The following AGAP5 variants were observed in gnomAD, a reference collection of about 807,000 sequenced individuals.
AGAP5 encodes ArfGAP with GTPase domain, ankyrin repeat and PH domain 5.
In AGAP5, 8 loss-of-function variants were observed where a neutral mutation model predicts 27.7. The ratio of observed to expected loss-of-function variants is 0.29; its 90% CI spans 0.17 to 0.52. The LOEUF (loss-of-function observed/expected upper bound fraction) is 0.52, where lower values mean the gene tolerates loss of function less well. AGAP5 is among the 20% of genes least tolerant of loss of function. The probability of loss-of-function intolerance (pLI) is 0.97; values close to 1 mark genes in which losing one functional copy is unlikely to be tolerated. For synonymous variants in AGAP5, 111 were observed against 338.0 expected (o/e 0.33, Z 7.37); for missense variants, 285 against 880.8 (o/e 0.32, Z 8.56).
In AGAP5 at chr10:73,685,871, C is replaced by CT. The variant is rs761740724; in HGVS notation, c.397-3078_397-3077insA. Among the ~76,000 whole-genome samples the CT allele has an allele frequency of 2.7e-3, 415 of 152,064 alleles. 1 individual carries two copies. Among genetic ancestry groups the CT allele is most frequent in the Non-Finnish European group, 3.5e-3 (236 of 67,986 alleles). On this transcript the variant is annotated intron_variant, in intron 4 of 7. Coordinates refer to ENST00000374094, the MANE Select transcript of AGAP5 (RefSeq NM_001144000.4). ...TGGCCAGATTATCTTTTTGATATGC[C>CT]GTTGGGAACTACAAAACATTGCTGA...
chr10:73,696,944 A>G, intron 2 of AGAP5, 151 bp downstream of exon 2: 1 of 1,249,798 alleles, frequency 8.0e-7, no homozygotes, highest in Admixed American at 2.5e-5. Context: ...TCACTTAGGT[A>G]CCATCTGGAT....
intron 4 of AGAP5, among the ~76,000 whole-genome samples, chr10:73,689,301 C>A (rs11000744): frequency 1.8e-4 from 27 of 152,208 alleles, no homozygotes; most frequent in Non-Finnish European, 2.6e-4. Flanking sequence ...CAATGGTGCC[C>A]AGGCTGGAGT....
intron 2 of AGAP5, among the ~76,000 whole-genome samples, chr10:73,695,396 C>T (rs1279033694): frequency 6.6e-6 from 1 of 152,080 alleles, no homozygotes; most frequent in Non-Finnish European, 1.5e-5. Flanking sequence ...TTGGAAAGGG[C>T]CAAGTGAGAC....
chr10:73,687,732 TA>T (rs1280993220), intron 4 of AGAP5, among the ~76,000 whole-genome samples: 1 of 152,210 alleles, frequency 6.6e-6, no homozygotes, highest in Non-Finnish European at 1.5e-5. Context: ...TTGGATTAAA[TA>T]TAATAGATTG....
chr10:73,693,010 A>AT lies in AGAP5; in HGVS notation c.362-934dup, dbSNP rs1388830181. On this transcript the variant is annotated intron_variant, in intron 3 of 7. Transcript: ENST00000374094. Reference sequence around the variant, plus strand: ...CATGGTGTCTGCAGCACAAAAAATCATTTTTTTTCCCTAAAAAGAGGCCAG... The same window carrying AT: ...CATGGTGTCTGCAGCACAAAAAATCATTTTTTTTTCCCTAAAAAGAGGCCAG... 3.7e-3 allele frequency among the ~76,000 whole-genome samples: 563 copies of AT among 151,854 alleles called. 3 individuals are homozygous for AT. The highest frequency in any genetic ancestry group is 0.013 in the African/African-American group (533 of 41,390).
chr10:73,694,877 T>C, intron 2 of AGAP5, 73 bp from the exon 3 acceptor site: 1 of 1,596,834 alleles, frequency 6.3e-7, no homozygotes, highest in East Asian at 2.2e-5. Flanking sequence ...TTTATTCAAC[T>C]GCTGCATTTA....
At chr10:73,695,233 GTAAATTCATCA>G in intron 2 of AGAP5, among the ~76,000 whole-genome samples, 1 of 152,240 alleles carries the variant, frequency 6.6e-6, no homozygotes, top group African/African-American at 2.4e-5. Flanking sequence ...TTTTTAAAAA[GTAAATTCATCA>G]TATCTGTCAC....
rs1169985052 is a variant in AGAP5 at position 73,679,137 on chromosome 10, AC to A, written c.533+933del. Reference sequence around the variant, plus strand: ...CAAAATGCTGGGATTACAGGTGTGAACCACTGCGCCCCACCAGCTTATTGCT... The same window carrying A: ...CAAAATGCTGGGATTACAGGTGTGAACACTGCGCCCCACCAGCTTATTGCT... On this transcript the variant is annotated intron_variant, in intron 6 of 7. Coordinates refer to ENST00000374094, the MANE Select transcript of AGAP5 (RefSeq NM_001144000.4). Among the ~76,000 whole-genome samples, 9 of 134,966 alleles carry A rather than the reference AC, an allele frequency of 6.7e-5. No individual in the cohort carries two copies. The East Asian group carries it at 1.5e-3, about 22-fold the overall frequency. The allele number at this position is 134,966 out of a possible 152,430, so 88.5% of individuals were successfully genotyped here.
rs2082164392 is a variant in AGAP5 at position 73,696,651 on chromosome 10, C to G, written c.292+444G>C. 2.0e-5 allele frequency among the ~76,000 whole-genome samples: 3 copies of G among 152,328 alleles called. 1 individual carries two copies. In the South Asian group the frequency reaches 6.2e-4, roughly 32 times the overall value. ...CTTTGAGAAACCCCAAACACACACACACAACCATTTTTCTGCAGCCCCGGC... is the reference window on the plus strand; with the variant it reads ...CTTTGAGAAACCCCAAACACACACAGACAACCATTTTTCTGCAGCCCCGGC... On this transcript the variant is annotated intron_variant, in intron 2 of 7. Transcript: ENST00000374094.
At chr10:73,687,249 A>G (rs1256485498) in intron 4 of AGAP5, among the ~76,000 whole-genome samples, 6 of 152,228 alleles carry the variant, frequency 3.9e-5, no homozygotes, top group Non-Finnish European at 7.3e-5. Flanking sequence ...TTTTTAAAGA[A>G]TTAGTAACTT....
intron 4 of AGAP5, among the ~76,000 whole-genome samples, chr10:73,688,513 TA>T (rs965875181): frequency 3.5e-5 from 5 of 143,880 alleles, no homozygotes; most frequent in Admixed American, 6.9e-5. Context: ...GAGCAAAACT[TA>T]AAAAAAAAAC....
chr10:73,692,434 A>T (rs1286757798), intron 3 of AGAP5, among the ~76,000 whole-genome samples: 1 of 152,112 alleles, frequency 6.6e-6, no homozygotes, highest in Non-Finnish European at 1.5e-5. Context: ...CTGCATTTAC[A>T]CATAGCTTAC....
rs765349007 is a variant in AGAP5 at position 73,697,631 on chromosome 10, C to T, written c.125G>A (p.Gly42Glu). 4.4e-6 allele frequency: 7 copies of T among 1,606,538 alleles called. No homozygotes were observed. In the Admixed American group the frequency reaches 1.2e-4, roughly 27 times the overall value. Residue 42 changes from glycine to glutamate, a missense_variant, in exon 1 of 8, where the codon GGA becomes GAA. Coordinates refer to ENST00000374094, the MANE Select transcript of AGAP5 (RefSeq NM_001144000.4). ...YEAGAGDRMA[G>E]APMAAAVQPA... ...CTGCACAGCAGCAGCCATGGGCGCTCCTGCCATCCTGTCCCCAGCTCCTGC... is the reference window on the plus strand; with the variant it reads ...CTGCACAGCAGCAGCCATGGGCGCTTCTGCCATCCTGTCCCCAGCTCCTGC...
chr10:73,691,656 C>A (rs1266370476), intron 4 of AGAP5, among the ~76,000 whole-genome samples: 4 of 152,036 alleles, frequency 2.6e-5, no homozygotes, highest in African/African-American at 4.8e-5. Context: ...CCACGCCCGG[C>A]TACTTTTGTA....
At chr10:73,680,683 G>T (rs1229660846) in intron 5 of AGAP5, among the ~76,000 whole-genome samples, 1 of 146,008 alleles carries the variant, frequency 6.8e-6, no homozygotes, top group African/African-American at 2.5e-5. Context: ...TGCCTCCCGG[G>T]TTCAAGAGAT....
At position 73,675,885 on chromosome 10, in the gene AGAP5, C is replaced by T; in HGVS notation, c.775G>A (p.Gly259Arg). The part of the protein sequence containing the change: ...RWSNLFTSEK[G>R]SHPDKERKAP... ...TTCCTCTCTTTGTCTGGGTGACTCC[C>T]TTTCTCAGATGTAAACAGGTTGGAC... is the stretch of plus-strand genomic sequence containing the variant. The change falls in exon 8 of 8, where the codon GGG becomes AGG. Residue 259 changes from glycine (G) to arginine (R), a missense_variant. Transcript: ENST00000374094. 6.2e-7 allele frequency: 1 copy of T among 1,614,032 alleles called. No individual in the cohort carries two copies. The highest frequency in any genetic ancestry group is 1.1e-5 in the South Asian group (1 of 91,058).
chr10:73,678,193 G>A (rs1443411117), intron 6 of AGAP5, among the ~76,000 whole-genome samples: 2 of 152,140 alleles, frequency 1.3e-5, no homozygotes, highest in Non-Finnish European at 2.9e-5. Flanking sequence ...CAGGAGTTCG[G>A]GACCAGCCTA....
At position 73,675,215 on chromosome 10, in the gene AGAP5, T is replaced by G. The variant is rs3998268; in HGVS notation, c.1445A>C (p.Tyr482Ser). The G allele has an allele frequency of 1.8e-4, 216 of 1,228,456 alleles. 38 individuals are homozygous for G. In the Admixed American group the frequency reaches 3.9e-3, roughly 22 times the overall value. 76.1% of individuals were successfully genotyped at this position (1,228,456 alleles called of 1,614,324 possible). Reference protein sequence around the residue: ...NMRGNAHCVDYETQNPKWASL... With the variant: ...NMRGNAHCVDSETQNPKWASL... ...GGCCCACTTAGGATTCTGGGTCTCATAGTCCACACAGTGGGCGTTCCCACG... is the reference window on the plus strand; with the variant it reads ...GGCCCACTTAGGATTCTGGGTCTCAGAGTCCACACAGTGGGCGTTCCCACG... The change falls in exon 8 of 8, where the codon TAT (tyrosine) becomes TCT (serine). Residue 482 changes from tyrosine to serine, a missense_variant. Physicochemically the swap from Tyr to Ser is moderately radical, Grantham distance 144. Transcript: ENST00000374094.
rs1190057698 is a variant in AGAP5 at position 73,697,730 on chromosome 10, A to G, written c.26T>C (p.Val9Ala). The G allele has an allele frequency of 5.0e-6, 8 of 1,597,808 alleles. No individual in the cohort carries two copies. Among genetic ancestry groups the G allele is most frequent in the Non-Finnish European group, 6.8e-6 (8 of 1,179,776 alleles). The change falls in exon 1 of 8, where the codon GTG becomes GCG. Residue 9 changes from valine (V) to alanine (A), a missense_variant. Coordinates refer to ENST00000374094, the MANE Select transcript of AGAP5 (RefSeq NM_001144000.4). ...AAACTCGAGGCTGACGCTAGGGTGCACACAACAGGTCAGTATGTTCCCCAT... is the reference window on the plus strand; with the variant it reads ...AAACTCGAGGCTGACGCTAGGGTGCGCACAACAGGTCAGTATGTTCCCCAT... The part of the protein sequence containing the change: MGNILTCC[V>A]HPSVSLEFDQ...
Sources: gnomAD v4.1 joint callset for allele counts (sites outside exome capture counted in the v4.1 genomes callset) on GRCh38, gnomAD v4.1.1 for gene constraint, MANE v1.5 for transcripts, NCBI Gene and HGNC (gene_info 2026-07-23, HGNC 2026-07-21) for gene names.